FGD4: variants seen among roughly 807,000 people sequenced by gnomAD.
FGD4 encodes FYVE, RhoGEF and PH domain-containing protein 4.
Under a neutral mutation model 102.0 loss-of-function variants are expected in FGD4, and 42 were observed. That is an observed-to-expected ratio of 0.41 (90% confidence interval 0.32 to 0.53). FGD4 has a LOEUF of 0.53. Among genes scored for constraint, FGD4 ranks in the 20% least tolerant of loss-of-function variants. The pLI, the probability that FGD4 is intolerant of heterozygous loss-of-function variation, is 0.21. For synonymous variants in FGD4, 380 were observed against 375.7 expected (o/e 1.01, Z -0.13); for missense variants, 902 against 1,078.2 (o/e 0.84, Z 2.29).
At chr12:32,618,069 A>C (rs568606341) in intron 10 of FGD4, among the ~76,000 whole-genome samples, 1 of 152,346 alleles carries the variant, frequency 6.6e-6, no homozygotes, top group Admixed American at 6.5e-5. Context: ...TTTATAAGAT[A>C]ATCTGTCATG....
At chr12:32,511,183 A>G (rs2136674420) in intron 1 of FGD4, 1 of 152,350 alleles carries the variant, frequency 6.6e-6, no homozygotes, top group South Asian at 2.1e-4. Context: ...TTCACTCTCT[A>G]GTGAGATGAG....
At chr12:32,480,806 T>A (rs901295968) in intron 1 of FGD4, among the ~76,000 whole-genome samples, 1 of 150,274 alleles carries the variant, frequency 6.7e-6, no homozygotes, top group African/African-American at 2.4e-5. Context: ...GCCTTTTTTT[T>A]TTTTTTTTAA....
At chr12:32,569,151 G>C (rs1255716754) in intron 2 of FGD4, among the ~76,000 whole-genome samples, 2 of 152,030 alleles carry the variant, frequency 1.3e-5, no homozygotes, top group African/African-American at 4.8e-5. Context: ...AATTTACCTA[G>C]AATCCAAGTA....
intron 1 of FGD4, among the ~76,000 whole-genome samples, chr12:32,558,449 A>T (rs1944288687): frequency 6.6e-6 from 1 of 152,234 alleles, no homozygotes; most frequent in Non-Finnish European, 1.5e-5. Context: ...AAGACCGTAT[A>T]AAGCTGTGAT....
chr12:32,627,963 G>A (rs1284455755), intron 14 of FGD4, among the ~76,000 whole-genome samples: 5 of 152,162 alleles, frequency 3.3e-5, no homozygotes, highest in African/African-American at 4.8e-5. Context: ...TTAGAAATAA[G>A]AGAGATGTTG....
intron 1 of FGD4, among the ~76,000 whole-genome samples, chr12:32,448,881 A>C (rs1003196300): frequency 5.3e-5 from 8 of 152,132 alleles, no homozygotes; most frequent in African/African-American, 1.9e-4. Flanking sequence ...GACAGATTAG[A>C]CTGTTTCCAA....
chr12:32,476,714 TAAAA>T (rs1433579857), intron 1 of FGD4, among the ~76,000 whole-genome samples: 1 of 151,988 alleles, frequency 6.6e-6, no homozygotes, highest in Non-Finnish European at 1.5e-5. Context: ...TGTTTCTAAT[TAAAA>T]AAACATAAAA....
At chr12:32,404,486 A>G (rs973760525) in intron 1 of FGD4, among the ~76,000 whole-genome samples, 1 of 152,086 alleles carries the variant, frequency 6.6e-6, no homozygotes, top group African/African-American at 2.4e-5. Context: ...AGGTGGTATT[A>G]TTACAATTTT....
intron 1 of FGD4, among the ~76,000 whole-genome samples, chr12:32,535,664 A>G (rs1488964079): frequency 2.0e-5 from 3 of 152,184 alleles, no homozygotes; most frequent in African/African-American, 7.2e-5. Context: ...AAATGCAGCA[A>G]AAGGGAAGTG....
chr12:32,518,943 T>A (rs571261540), intron 1 of FGD4, among the ~76,000 whole-genome samples: 87 of 151,804 alleles, frequency 5.7e-4, no homozygotes, highest in African/African-American at 2.1e-3. Flanking sequence ...GGAGAAACTC[T>A]GTCTCTACTA....
intron 4 of FGD4, among the ~76,000 whole-genome samples, chr12:32,584,515 T>C (rs1364294217): frequency 6.6e-6 from 1 of 152,142 alleles, no homozygotes; most frequent in Non-Finnish European, 1.5e-5. Flanking sequence ...CTTGAACAAG[T>C]CAATAATTCT....
intron 1 of FGD4, among the ~76,000 whole-genome samples, chr12:32,417,478 G>A (rs958781877): frequency 6.6e-6 from 1 of 151,576 alleles, no homozygotes; most frequent in African/African-American, 2.4e-5. Context: ...TATTTTCTGA[G>A]ACAGAGTCTC....
chr12:32,531,009 T>A (rs1449583444), intron 1 of FGD4, among the ~76,000 whole-genome samples: 1 of 130,458 alleles, frequency 7.7e-6, no homozygotes, highest in Non-Finnish European at 1.5e-5. Context: ...TGGAGTGCAG[T>A]GGTGCGATCG....
At chr12:32,429,203 G>T (rs937819183) in intron 1 of FGD4, among the ~76,000 whole-genome samples, 1 of 152,188 alleles carries the variant, frequency 6.6e-6, no homozygotes, top group Non-Finnish European at 1.5e-5. Context: ...TTCGGATGGG[G>T]TTTCTATGTG....
intron 1 of FGD4, among the ~76,000 whole-genome samples, chr12:32,522,985 TC>T (rs1940708300): frequency 6.6e-6 from 1 of 152,210 alleles, no homozygotes; most frequent in African/African-American, 2.4e-5. Context: ...AACATAAAGT[TC>T]AATCTTCCCT....
At chr12:32,453,338 A>G (rs1168829164) in intron 1 of FGD4, among the ~76,000 whole-genome samples, 1 of 150,912 alleles carries the variant, frequency 6.6e-6, no homozygotes. Context: ...GGTTTAAGCA[A>G]TTCTTGTGTC....
chr12:32,581,795 G>C, intron 3 of FGD4, 165 bp from the exon 4 acceptor site: 1 of 701,518 alleles, frequency 1.4e-6, no homozygotes. Flanking sequence ...AGCATCCCAA[G>C]AGACTTGGGT....
intron 1 of FGD4, among the ~76,000 whole-genome samples, chr12:32,405,024 C>T (rs147990602): frequency 0.063 from 9,519 of 152,184 alleles, 426 homozygotes; most frequent in Middle Eastern, 0.14. Flanking sequence ...AGCTCCACCT[C>T]CCGGGTTCAC....
At chr12:32,501,582 T>G (rs933205992) in intron 1 of FGD4, among the ~76,000 whole-genome samples, 7 of 152,202 alleles carry the variant, frequency 4.6e-5, no homozygotes, top group Admixed American at 6.5e-5. Flanking sequence ...CAAAGTTCAA[T>G]TAACACGGTA....
Sources: gnomAD v4.1 joint callset for allele counts (sites outside exome capture counted in the v4.1 genomes callset) on GRCh38, gnomAD v4.1.1 for gene constraint, MANE v1.5 for transcripts, NCBI Gene and HGNC (gene_info 2026-07-23, HGNC 2026-07-21) for gene names.